ERLIN1: variants seen among roughly 807,000 people sequenced by gnomAD.
ERLIN1 encodes the protein erlin-1.
Under a neutral mutation model 46.9 loss-of-function variants are expected in ERLIN1, and 24 were observed. The observed-to-expected ratio is 0.51, with a 90% confidence interval of 0.37 to 0.72. The LOEUF is 0.72. ERLIN1 is among the 30% of genes least tolerant of loss of function. ERLIN1 has a pLI of 0.00. For missense variants in ERLIN1, 293 were observed against 417.9 expected (o/e 0.70, Z 2.61); for synonymous variants, 158 against 143.2 (o/e 1.10, Z -0.74).
At chr10:100,176,159 A>T in intron 4 of ERLIN1, 89 bp from the exon 5 acceptor site, 2 of 1,142,290 alleles carry the variant, frequency 1.8e-6, no homozygotes, top group South Asian at 4.2e-5. Flanking sequence ...AGGGTGATAT[A>T]TTACACATGA....
intron 4 of ERLIN1, among the ~76,000 whole-genome samples, chr10:100,177,786 C>G (rs1295383990): frequency 1.3e-5 from 2 of 152,202 alleles, no homozygotes; most frequent in Non-Finnish European, 2.9e-5. Context: ...TCTTTGATGG[C>G]AAATCAGTGT....
chr10:100,169,035 C>CT (rs764155425), intron 6 of ERLIN1, among the ~76,000 whole-genome samples: 2 of 152,148 alleles, frequency 1.3e-5, no homozygotes, highest in Non-Finnish European at 2.9e-5. Context: ...GAAGAACATA[C>CT]TACATTGTGC....
intron 2 of ERLIN1, among the ~76,000 whole-genome samples, chr10:100,180,610 C>T (rs539243985): frequency 1.3e-5 from 2 of 152,026 alleles, no homozygotes; most frequent in Non-Finnish European, 2.9e-5. Flanking sequence ...TGTGTATAGG[C>T]GAACGAAAGT....
At chr10:100,176,165 CAT>C (rs1321130288) in intron 4 of ERLIN1, 95 bp from the exon 5 acceptor site, 5 of 1,086,664 alleles carry the variant, frequency 4.6e-6, no homozygotes, top group Non-Finnish European at 6.3e-6. Flanking sequence ...ATATATTACA[CAT>C]GAGGAAAAGT....
In ERLIN1 at chr10:100,167,486, A is replaced by T; in HGVS notation, c.505-80T>A. The T allele has an allele frequency of 2.7e-6, 3 of 1,101,202 alleles. No individual in the cohort carries two copies. In the South Asian group the frequency reaches 4.0e-5, roughly 15 times the overall value. The allele number at this position is 1,101,202 out of a possible 1,614,324, so 68.2% of individuals were successfully genotyped here. On this transcript the variant is annotated intron_variant, in intron 6 of 10. Coordinates refer to ENST00000421367, the MANE Select transcript of ERLIN1 (RefSeq NM_006459.4). ...TAAATCTTCTACAGAAAAGCCCCTC[A>T]AATGATACTAATCTAATAAACAACA...
At chr10:100,178,240 A>G (rs767729021) in intron 3 of ERLIN1, 46 bp from the exon 4 acceptor site, 129 of 1,232,714 alleles carry the variant, frequency 1.0e-4, no homozygotes, top group Admixed American at 1.4e-4. Context: ...GCAATCCATA[A>G]AACACAGTTA....
chr10:100,157,243 CAGAAG>C (rs1227165110), intron 8 of ERLIN1, among the ~76,000 whole-genome samples: 4 of 152,130 alleles, frequency 2.6e-5, no homozygotes, highest in African/African-American at 9.7e-5. Context: ...AAAATGGTAT[CAGAAG>C]AGGAGTATTC....
At chr10:100,180,383 TACAAAACAAA>T (rs566418489) in intron 2 of ERLIN1, among the ~76,000 whole-genome samples, 23 of 152,100 alleles carry the variant, frequency 1.5e-4, no homozygotes, top group African/African-American at 4.8e-4. Context: ...CATCAACAGG[TACAAAACAAA>T]ACAAAACAAA....
Position 100,151,962 on chromosome 10 carries a change from C to CA in ERLIN1, c.*168dup. On this transcript the variant is annotated 3_prime_UTR_variant, in exon 11 of 11. Coordinates refer to ENST00000421367, the MANE Select transcript of ERLIN1 (RefSeq NM_006459.4). ...GTGGCTGAAAAGACCATTTGTGTGTCAGACAGCTGGCTCTATCCTCCAATC... is the reference window on the plus strand; with the variant it reads ...GTGGCTGAAAAGACCATTTGTGTGTCAAGACAGCTGGCTCTATCCTCCAATC... 1.5e-6 allele frequency: 1 copy of CA among 678,490 alleles called. No individual in the cohort carries two copies. The highest frequency in any genetic ancestry group is 1.6e-5 in the South Asian group (1 of 63,704). The allele number at this position is 678,490 out of a possible 1,614,324, so 42.0% of individuals were successfully genotyped here.
chr10:100,173,247 T>C (rs1482623377), intron 6 of ERLIN1, among the ~76,000 whole-genome samples: 3 of 152,104 alleles, frequency 2.0e-5, no homozygotes, highest in African/African-American at 7.2e-5. Flanking sequence ...CAATCAACAA[T>C]CAACTGGTCT....
At chr10:100,184,154 C>G (rs1206337389) in intron 1 of ERLIN1, among the ~76,000 whole-genome samples, 3 of 152,088 alleles carry the variant, frequency 2.0e-5, no homozygotes, top group African/African-American at 4.8e-5. Context: ...TTAAAAAATT[C>G]TAATGGCTTT....
intron 4 of ERLIN1, 84 bp from the exon 5 acceptor site, chr10:100,176,154 G>T: frequency 8.2e-7 from 1 of 1,225,190 alleles, no homozygotes; most frequent in Non-Finnish European, 1.1e-6. Flanking sequence ...AAGTCAGGGT[G>T]ATATATTACA....
intron 2 of ERLIN1, among the ~76,000 whole-genome samples, chr10:100,181,810 G>A (rs977731650): frequency 6.6e-6 from 1 of 152,050 alleles, no homozygotes; most frequent in African/African-American, 2.4e-5. Context: ...CGCCACGCCC[G>A]GCCAAGAACA....
chr10:100,158,179 G>C (rs889172201), intron 8 of ERLIN1, among the ~76,000 whole-genome samples: 1 of 152,120 alleles, frequency 6.6e-6, no homozygotes, highest in East Asian at 1.9e-4. Context: ...CCTCTAGAGG[G>C]CTGCAACTCT....
intron 10 of ERLIN1, among the ~76,000 whole-genome samples, chr10:100,153,699 A>C (rs1842923938): frequency 6.6e-6 from 1 of 152,206 alleles, no homozygotes; most frequent in Admixed American, 6.5e-5. Context: ...TTAGTATCTG[A>C]GTCACATTTT....
At chr10:100,184,509 G>A (rs1216074071) in intron 1 of ERLIN1, among the ~76,000 whole-genome samples, 1 of 152,164 alleles carries the variant, frequency 6.6e-6, no homozygotes, top group Non-Finnish European at 1.5e-5. Context: ...GTCCTATTTT[G>A]CACCTTGTAA....
chr10:100,176,350 G>A (rs542983342), intron 4 of ERLIN1, among the ~76,000 whole-genome samples: 16 of 152,260 alleles, frequency 1.1e-4, no homozygotes, highest in African/African-American at 3.9e-4. Context: ...TATTTTGGAG[G>A]TAATAAGGAA....
chr10:100,173,233 A>ACAACAAT (rs1231055185), intron 6 of ERLIN1, among the ~76,000 whole-genome samples: 22 of 152,186 alleles, frequency 1.4e-4, no homozygotes, highest in African/African-American at 5.1e-4. Flanking sequence ...AATGTTCATC[A>ACAACAAT]CAACAATCAA....
chr10:100,156,140 T>G lies in ERLIN1; in HGVS notation c.745+5A>C, dbSNP rs1173306064. On this transcript the variant is annotated splice_donor_5th_base_variant and intron_variant, in intron 9 of 10. Coordinates refer to ENST00000421367, the MANE Select transcript of ERLIN1 (RefSeq NM_006459.4). ...GCAGAGCTTCATCCTCTCCCCACAATGTACCTTCGATTTCAGAAATGCGCT... is the reference window on the plus strand; with the variant it reads ...GCAGAGCTTCATCCTCTCCCCACAAGGTACCTTCGATTTCAGAAATGCGCT... 2 of 1,601,120 alleles carry G rather than the reference T, an allele frequency of 1.2e-6. No individual in the cohort carries two copies. Among genetic ancestry groups the G allele is most frequent in the Non-Finnish European group, 1.7e-6 (2 of 1,169,504 alleles).
Sources: gnomAD v4.1 joint callset for allele counts (sites outside exome capture counted in the v4.1 genomes callset) on GRCh38, gnomAD v4.1.1 for gene constraint, MANE v1.5 for transcripts, NCBI Gene and HGNC (gene_info 2026-07-23, HGNC 2026-07-21) for gene names.